GPM6A: variants seen among roughly 807,000 people sequenced by gnomAD.
GPM6A encodes neuronal membrane glycoprotein M6-a.
In GPM6A, 7 loss-of-function variants were observed where a neutral mutation model predicts 32.1. The observed-to-expected ratio is 0.22, with a 90% CI of 0.12 to 0.41. The LOEUF (loss-of-function observed/expected upper bound fraction) is 0.41. Among genes scored for constraint, GPM6A ranks in the 10% least tolerant of loss-of-function variants. GPM6A has a pLI of 1.00. For synonymous variants in GPM6A, 130 were observed against 123.4 expected (o/e 1.05, Z -0.35); for missense variants, 235 against 347.2 (o/e 0.68, Z 2.57).
At chr4:175,708,580 T>C (rs769054666) in intron 1 of GPM6A, among the ~76,000 whole-genome samples, 6 of 151,898 alleles carry the variant, frequency 4.0e-5, no homozygotes, top group Non-Finnish European at 8.8e-5. Context: ...AGAGATGGGG[T>C]TTCACTATGC....
intron 1 of GPM6A, among the ~76,000 whole-genome samples, chr4:175,829,734 T>G (rs1181567663): frequency 6.8e-6 from 1 of 147,684 alleles, no homozygotes; most frequent in East Asian, 1.9e-4. Flanking sequence ...AGGAAATATA[T>G]AAGATATATA....
chr4:175,893,348 T>C (rs1579604060), intron 1 of GPM6A, among the ~76,000 whole-genome samples: 1 of 152,254 alleles, frequency 6.6e-6, no homozygotes, highest in East Asian at 1.9e-4. Flanking sequence ...AACTATTCAA[T>C]GATCAGCGTT....
intron 1 of GPM6A, among the ~76,000 whole-genome samples, chr4:175,897,233 C>G (rs1737823177): frequency 6.6e-6 from 1 of 151,990 alleles, no homozygotes. Context: ...TGGCTGAAAC[C>G]AGGATGGGCT....
At chr4:175,643,500 A>G (rs1373761748) in intron 4 of GPM6A, among the ~76,000 whole-genome samples, 1 of 152,148 alleles carries the variant, frequency 6.6e-6, no homozygotes. Context: ...TCTCTCTGAC[A>G]AGAATATTCC....
intron 1 of GPM6A, among the ~76,000 whole-genome samples, chr4:175,708,711 C>T (rs1053637623): frequency 3.3e-5 from 5 of 151,898 alleles, no homozygotes; most frequent in Non-Finnish European, 5.9e-5. Context: ...CCAGTGGTGC[C>T]AAAATAGATT....
rs542463113 is a variant in GPM6A, at chr4:175,962,311, T to C, written c.-23+39998A>G. The C allele has an allele frequency of 2.9e-4, 310 of 1,074,364 alleles. No individual in the cohort carries two copies. In the African/African-American group the frequency reaches 4.4e-3, roughly 15 times the overall value. The allele number at this position is 1,074,364 out of a possible 1,614,324, so 66.6% of individuals were successfully genotyped here. A position where few individuals can be genotyped will look rare whatever the true frequency, so the allele number is the denominator to read the frequency against. On this transcript the variant is annotated intron_variant, in intron 1 of 7. Coordinates refer to the GPM6A transcript ENST00000280187. ...ACACCAGAAGTAAAAGTGAGTTTAC[T>C]GGGTCCTGTGGCCACTCCTGAACAT...
chr4:175,916,974 T>G (rs1738514085), intron 1 of GPM6A, among the ~76,000 whole-genome samples: 1 of 152,220 alleles, frequency 6.6e-6, no homozygotes, highest in African/African-American at 2.4e-5. Flanking sequence ...TTGCTGTTTA[T>G]GGGCATTCTC....
In GPM6A at chr4:175,852,500, G is replaced by A. The variant is rs574323229; in HGVS notation, c.-22-40251C>T. Among the ~76,000 whole-genome samples the A allele has an allele frequency of 5.9e-5, 9 of 152,196 alleles. No homozygotes were observed. In the South Asian group the frequency reaches 1.9e-3, roughly 32 times the overall value. On this transcript the variant is annotated intron_variant, in intron 1 of 7. Coordinates refer to the GPM6A transcript ENST00000280187. The stretch of plus-strand genomic sequence containing the variant: ...ATTCTAATACATTTCCACTTTATTG[G>A]AGAGGGCAAAGAAAAAGTGAACTAG...
intron 1 of GPM6A, among the ~76,000 whole-genome samples, chr4:175,786,285 T>G (rs1666199641): frequency 6.9e-6 from 1 of 145,542 alleles, no homozygotes; most frequent in African/African-American, 2.5e-5. Flanking sequence ...TCAGGAAAGG[T>G]TTTTTGTTTT....
chr4:175,897,539 A>G (rs1403665432), intron 1 of GPM6A, among the ~76,000 whole-genome samples: 1 of 152,160 alleles, frequency 6.6e-6, no homozygotes, highest in East Asian at 1.9e-4. Context: ...ACAACATAGG[A>G]CAGGATTCTA....
At chr4:175,889,457 C>A (rs567835801) in intron 1 of GPM6A, among the ~76,000 whole-genome samples, 1 of 151,302 alleles carries the variant, frequency 6.6e-6, no homozygotes, top group South Asian at 2.1e-4. Context: ...TTCAGTAGGT[C>A]ACAACTGCAG....
At chr4:175,663,795 G>A (rs1246076649) in intron 3 of GPM6A, among the ~76,000 whole-genome samples, 1 of 150,746 alleles carries the variant, frequency 6.6e-6, no homozygotes, top group African/African-American at 2.4e-5. Context: ...CTGGGTTCAC[G>A]CCATTCTCCT....
intron 1 of GPM6A, among the ~76,000 whole-genome samples, chr4:176,000,566 G>T (rs1021494990): frequency 6.6e-6 from 1 of 152,084 alleles, no homozygotes; most frequent in Non-Finnish European, 1.5e-5. Flanking sequence ...AGGTTACAAG[G>T]GTAAATTATG....
In GPM6A at chr4:175,705,789, A is replaced by C. The variant is rs74652304; in HGVS notation, c.38-4022T>G. Among the ~76,000 whole-genome samples, 1,126 of 152,294 alleles carry C rather than the reference A, an allele frequency of 7.4e-3. 47 individuals carry two copies. The East Asian group carries it at 0.11, about 15-fold the overall frequency. ...AATGAATATTAGTGAAGGCATAGGA[A>C]GTGGAGTGCTGGTGCTGGAGAAGAT... On this transcript the variant is annotated intron_variant, in intron 1 of 6. Transcript: ENST00000393658.
At position 175,634,349 on chromosome 4, in the gene GPM6A, T is replaced by C. The variant is rs1378639566; in HGVS notation, c.*556A>G. ...CAAATTTAGAAATTGCACCTTAGATTGATGAAAACATGAACCAGGGCCTAC... is the reference window on the plus strand; with the variant it reads ...CAAATTTAGAAATTGCACCTTAGATCGATGAAAACATGAACCAGGGCCTAC... On this transcript the variant is annotated 3_prime_UTR_variant, in exon 7 of 7. Coordinates refer to ENST00000393658, the MANE Select transcript of GPM6A (RefSeq NM_201591.3). The C allele has an allele frequency of 6.6e-6, 1 of 152,506 alleles. No individual in the cohort carries two copies. The highest frequency in any genetic ancestry group is 1.5e-5 in the Non-Finnish European group (1 of 67,990). The allele number at this position is 152,506 out of a possible 1,614,324, so 9.4% of individuals were successfully genotyped here. A position where few individuals can be genotyped will look rare whatever the true frequency, so the allele number is the denominator to read the frequency against.
chr4:175,786,994 A>T, intron 1 of GPM6A: 5 of 212,958 alleles, frequency 2.3e-5, no homozygotes, highest in East Asian at 1.0e-4. Flanking sequence ...GCTGGACGGC[A>T]TTCCCTCCCC....
chr4:175,796,707 T>C (rs1734244437), intron 1 of GPM6A, among the ~76,000 whole-genome samples: 1 of 152,204 alleles, frequency 6.6e-6, no homozygotes, highest in Non-Finnish European at 1.5e-5. Context: ...AGGAGTGATA[T>C]TTACATCTGG....
intron 1 of GPM6A, among the ~76,000 whole-genome samples, chr4:175,743,228 A>G (rs368610024): frequency 6.6e-6 from 1 of 152,160 alleles, no homozygotes; most frequent in East Asian, 1.9e-4. Flanking sequence ...TATAAGTACA[A>G]TTAACACAAA....
At chr4:175,767,624 C>A (rs934606813) in intron 1 of GPM6A, among the ~76,000 whole-genome samples, 1 of 152,202 alleles carries the variant, frequency 6.6e-6, no homozygotes, top group Non-Finnish European at 1.5e-5. Context: ...CAATTGTGCA[C>A]CATCTAATAA....
Sources: gnomAD v4.1 joint callset for allele counts (sites outside exome capture counted in the v4.1 genomes callset) on GRCh38, gnomAD v4.1.1 for gene constraint, MANE v1.5 for transcripts, NCBI Gene and HGNC (gene_info 2026-07-23, HGNC 2026-07-21) for gene names.